The following ITPRID1 variants were observed in gnomAD, a reference collection of about 807,000 sequenced individuals.
ITPRID1 encodes ITPR interacting domain containing 1.
ITPRID1 carries 96 observed loss-of-function variants against 95.4 expected under a neutral mutation model. The observed-to-expected ratio is 1.01, with a 90% CI of 0.85 to 1.19. The LOEUF is 1.19. Among genes scored for constraint, ITPRID1 ranks in the 50% most tolerant of loss-of-function variants. The pLI, the probability that ITPRID1 is intolerant of heterozygous loss-of-function variation, is 0.00. For synonymous variants in ITPRID1, 510 were observed against 453.6 expected (o/e 1.12, Z -1.58); for missense variants, 1,339 against 1,252.9 (o/e 1.07, Z -1.04).
chr7:31,639,545 T>TGG (rs1562644477), intron 10 of ITPRID1, among the ~76,000 whole-genome samples: 3 of 6,864 alleles, frequency 4.4e-4, no homozygotes, highest in East Asian at 5.3e-3. Flanking sequence ...TTTGTTTTTT[T>TGG]TTTTTTTTTG....
chr7:31,535,566 C>T (rs1783731986), intron 1 of ITPRID1, among the ~76,000 whole-genome samples: 1 of 151,960 alleles, frequency 6.6e-6, no homozygotes, highest in Non-Finnish European at 1.5e-5. Flanking sequence ...CAAATTTTTA[C>T]TTCCTGTTAA....
At position 31,639,990 on chromosome 7, in the gene ITPRID1, C is replaced by CA. The variant is rs374575228; in HGVS notation, c.1229-2185dup. Among the ~76,000 whole-genome samples, 269 of 152,218 alleles carry CA rather than the reference C, an allele frequency of 1.8e-3. 1 individual carries two copies. The highest frequency in any genetic ancestry group is 6.1e-3 in the African/African-American group (254 of 41,514). On this transcript the variant is annotated intron_variant, in intron 10 of 14. Transcript: ENST00000615280. ...ACCTATTATTTTTTAATATATGCCA[C>CA]ACATTTGGATTTTACCATATAGGTG...
chr7:31,626,346 C>T (rs1373112017), intron 10 of ITPRID1, among the ~76,000 whole-genome samples: 2 of 152,126 alleles, frequency 1.3e-5, no homozygotes, highest in Non-Finnish European at 2.9e-5. Flanking sequence ...ACCTAGTGAC[C>T]ATAATCATGC....
At chr7:31,569,397 C>T (rs552507585) in intron 5 of ITPRID1, among the ~76,000 whole-genome samples, 3 of 152,298 alleles carry the variant, frequency 2.0e-5, no homozygotes, top group African/African-American at 7.2e-5. Flanking sequence ...TTTCTGTAGA[C>T]ATCTTTTTTC....
chr7:31,538,370 G>A (rs1463940852), intron 1 of ITPRID1, among the ~76,000 whole-genome samples: 1 of 152,098 alleles, frequency 6.6e-6, no homozygotes. Flanking sequence ...CCACAGGCCA[G>A]TTTTTTACAT....
chr7:31,541,609 C>T (rs1163400613), intron 1 of ITPRID1, among the ~76,000 whole-genome samples: 2 of 152,110 alleles, frequency 1.3e-5, no homozygotes, highest in Admixed American at 1.3e-4. Context: ...TACTTTGGAG[C>T]ACATACCAAT....
In ITPRID1 at chr7:31,653,154, A is replaced by C. The variant is rs1255340743; in HGVS notation, c.*325A>C. 2 of 302,704 alleles carry C rather than the reference A, an allele frequency of 6.6e-6. No individual in the cohort carries two copies. The highest frequency in any genetic ancestry group is 4.2e-5 in the African/African-American group (2 of 47,402). 18.8% of individuals were successfully genotyped at this position (302,704 alleles called of 1,614,324 possible). On this transcript the variant is annotated 3_prime_UTR_variant, in exon 15 of 15. Coordinates refer to ENST00000615280, the MANE Select transcript of ITPRID1 (RefSeq NM_001257967.3). ...AAGTATCTGAGACAGACCTCAGTCA[A>C]TATAGAAGTTTATTTTGCCAAGGTT...
chr7:31,561,229 G>C (rs1583499500), intron 5 of ITPRID1, among the ~76,000 whole-genome samples: 1 of 152,132 alleles, frequency 6.6e-6, no homozygotes, highest in South Asian at 2.1e-4. Context: ...AGGTGAAAGG[G>C]AGCAGTTAAT....
chr7:31,609,322 G>A (rs1270184416), intron 10 of ITPRID1, among the ~76,000 whole-genome samples: 1 of 151,590 alleles, frequency 6.6e-6, no homozygotes, highest in Admixed American at 6.6e-5. Flanking sequence ...TGGCCCCAGA[G>A]AATAAGTTGG....
intron 10 of ITPRID1, among the ~76,000 whole-genome samples, chr7:31,607,527 A>C (rs1583566107): frequency 6.6e-6 from 1 of 152,042 alleles, no homozygotes; most frequent in South Asian, 2.1e-4. Flanking sequence ...TGTGCTGTTG[A>C]AAAGTCTAAA....
At chr7:31,622,009 G>T (rs1031989325) in intron 10 of ITPRID1, among the ~76,000 whole-genome samples, 7 of 141,880 alleles carry the variant, frequency 4.9e-5, no homozygotes, top group Non-Finnish European at 1.1e-4. Flanking sequence ...AGACAAAGAA[G>T]GCCATTACAT....
intron 10 of ITPRID1, among the ~76,000 whole-genome samples, chr7:31,624,013 C>T (rs1788191097): frequency 6.7e-6 from 1 of 149,382 alleles, no homozygotes; most frequent in African/African-American, 2.5e-5. Context: ...AGTGAACTCC[C>T]ATTCACAATT....
intron 9 of ITPRID1, among the ~76,000 whole-genome samples, chr7:31,582,138 A>G (rs552092052): frequency 6.6e-6 from 1 of 152,222 alleles, no homozygotes; most frequent in Non-Finnish European, 1.5e-5. Flanking sequence ...GAACAAGAAT[A>G]TTCACCTCAG....
chr7:31,530,607 T>G (rs1378891171), intron 1 of ITPRID1, among the ~76,000 whole-genome samples: 1 of 152,184 alleles, frequency 6.6e-6, no homozygotes, highest in African/African-American at 2.4e-5. Context: ...GACAATTCAA[T>G]TCAAAGATGA....
chr7:31,526,283 AC>A (rs1307798146), intron 1 of ITPRID1, among the ~76,000 whole-genome samples: 1 of 152,242 alleles, frequency 6.6e-6, no homozygotes, highest in African/African-American at 2.4e-5. Context: ...ATTTGACTTA[AC>A]AATTTTTCAA....
At chr7:31,554,297 G>C in intron 3 of ITPRID1, 178 bp from the exon 4 acceptor site, 1 of 1,159,946 alleles carries the variant, frequency 8.6e-7, no homozygotes, top group Non-Finnish European at 1.1e-6. Flanking sequence ...TCTCAGGAAA[G>C]GCTGATCATG....
rs1583473773 is a variant in ITPRID1 at position 31,539,911 on chromosome 7, G to T, written c.-97-9515G>T. ...GGGTGGCATGTATCTGATCGGGGAGGGGTTTGGAATGTTTCTGGTCGGAGA... is the reference window on the plus strand; with the variant it reads ...GGGTGGCATGTATCTGATCGGGGAGTGGTTTGGAATGTTTCTGGTCGGAGA... On this transcript the variant is annotated intron_variant, in intron 1 of 14. Coordinates refer to ENST00000615280, the MANE Select transcript of ITPRID1 (RefSeq NM_001257967.3). 1.3e-5 allele frequency among the ~76,000 whole-genome samples: 2 copies of T among 152,088 alleles called. 1 individual carries two copies. Among genetic ancestry groups the T allele is most frequent in the Non-Finnish European group, 2.9e-5 (2 of 67,968 alleles).
At chr7:31,612,279 T>C (rs1284854229) in intron 10 of ITPRID1, among the ~76,000 whole-genome samples, 1 of 152,164 alleles carries the variant, frequency 6.6e-6, no homozygotes, top group Non-Finnish European at 1.5e-5. Context: ...TTTTGAACAA[T>C]ATATAATAAC....
chr7:31,619,814 C>T (rs532378365), intron 10 of ITPRID1, among the ~76,000 whole-genome samples: 2 of 152,180 alleles, frequency 1.3e-5, no homozygotes, highest in Non-Finnish European at 2.9e-5. Flanking sequence ...CATTGCCTCC[C>T]TCGGGAAGCG....
Sources: allele counts gnomAD v4.1 joint callset (sites outside exome capture counted in the v4.1 genomes callset), GRCh38; gene constraint gnomAD v4.1.1; transcripts MANE v1.5; gene names NCBI Gene and HGNC (gene_info 2026-07-23, HGNC 2026-07-21).